The following ITCH variants were observed in gnomAD, a reference collection of about 807,000 sequenced individuals.
ITCH encodes the protein itchy E3 ubiquitin protein ligase, also known as E3 ubiquitin-protein ligase Itchy homolog.
In ITCH, 28 loss-of-function variants were observed where a neutral mutation model predicts 126.8. The ratio of observed to expected loss-of-function variants is 0.22; its 90% CI spans 0.16 to 0.30. The LOEUF (loss-of-function observed/expected upper bound fraction) is 0.30, where lower values mean the gene tolerates loss of function less well. Ranked by LOEUF, ITCH falls within the 10% of genes least tolerant of loss-of-function variation. The pLI, the probability that ITCH is intolerant of heterozygous loss-of-function variation, is 1.00. For synonymous variants in ITCH, 342 were observed against 340.0 expected, an observed-to-expected ratio of 1.01 and a Z score of -0.06; for missense variants, 631 against 1,032.4, an observed-to-expected ratio of 0.61 and a Z score of 5.33.
In ITCH at chr20:34,457,481, A is replaced by G; in HGVS notation, c.1295+7A>G. 1 of 1,563,758 alleles carries G rather than the reference A, an allele frequency of 6.4e-7. No individual in the cohort carries two copies. The highest frequency in any genetic ancestry group is 1.1e-5 in the South Asian group (1 of 89,654). The stretch of plus-strand genomic sequence containing the variant: ...AAGACCCCAGAAGTCAAGGGTAAGA[A>G]TAGTTACTTGTGTATATTTAATCTC... On this transcript the variant is annotated splice_region_variant and intron_variant, in intron 13 of 24. Coordinates refer to ENST00000374864, the MANE Select transcript of ITCH (RefSeq NM_031483.7).
At chr20:34,409,941 G>T (rs969677557) in intron 4 of ITCH, among the ~76,000 whole-genome samples, 1 of 151,934 alleles carries the variant, frequency 6.6e-6, no homozygotes, top group Non-Finnish European at 1.5e-5. Flanking sequence ...GAGCCAGGAG[G>T]ATTGTGTGAG....
intron 14 of ITCH, among the ~76,000 whole-genome samples, chr20:34,463,871 A>G: frequency 6.6e-6 from 1 of 150,584 alleles, no homozygotes; most frequent in Non-Finnish European, 1.5e-5. Context: ...CAAATACATG[A>G]TTTGCAATTA....
chr20:34,440,172 C>T lies in ITCH; in HGVS notation c.697C>T (p.Pro233Ser), dbSNP rs761441607. ...TTTTATAGCATCTGTCAATGGTTCACCATCTGCCACTTCTGAAAGTGATGG... is the reference window on the plus strand; with the variant it reads ...TTTTATAGCATCTGTCAATGGTTCATCATCTGCCACTTCTGAAAGTGATGG... Reference protein sequence around the residue: ...PRRPASVNGSPSATSESDGSS... With the variant: ...PRRPASVNGSSSATSESDGSS... Residue 233 changes from proline to serine, a missense_variant, in exon 9 of 25, where the codon CCA (proline) becomes TCA (serine). Pro to Ser is a moderately conservative substitution (Grantham distance 74). Transcript: ENST00000374864. 1 of 1,612,526 alleles carries T rather than the reference C, an allele frequency of 6.2e-7. No individual in the cohort carries two copies. The highest frequency in any genetic ancestry group is 8.5e-7 in the Non-Finnish European group (1 of 1,178,534).
chr20:34,475,974 C>G, intron 16 of ITCH: 1 of 1,600,642 alleles, frequency 6.2e-7, no homozygotes, highest in South Asian at 1.1e-5. Flanking sequence ...GCCACTGTTT[C>G]AGGCACTCGA....
At chr20:34,433,040 AG>A in intron 7 of ITCH, among the ~76,000 whole-genome samples, 1 of 152,200 alleles carries the variant, frequency 6.6e-6, no homozygotes, top group African/African-American at 2.4e-5. Flanking sequence ...CTGTAATCCC[AG>A]CACTTTAGGA....
chr20:34,441,208 G>C (rs1402072871), intron 9 of ITCH, among the ~76,000 whole-genome samples: 1 of 152,042 alleles, frequency 6.6e-6, no homozygotes, highest in Admixed American at 6.6e-5. Context: ...GGAGGCAGAG[G>C]TTGCATTGAG....
At chr20:34,371,279 C>CTTTTTTT (rs770951963) in intron 2 of ITCH, among the ~76,000 whole-genome samples, 24 of 118,446 alleles carry the variant, frequency 2.0e-4, no homozygotes, top group East Asian at 4.8e-4. Context: ...ATCACTTCTT[C>CTTTTTTT]TTTTTTTTTT....
At chr20:34,404,219 T>G (rs2038977331) in intron 3 of ITCH, among the ~76,000 whole-genome samples, 1 of 152,098 alleles carries the variant, frequency 6.6e-6, no homozygotes, top group Non-Finnish European at 1.5e-5. Flanking sequence ...GTTTTTTATT[T>G]TTTTGTTTAA....
At chr20:34,476,984 A>G (rs1345707489) in intron 16 of ITCH, among the ~76,000 whole-genome samples, 1 of 152,180 alleles carries the variant, frequency 6.6e-6, no homozygotes. Flanking sequence ...GTGGGACACA[A>G]AATTTGAGTA....
At chr20:34,389,714 G>A (rs2038416179) in intron 2 of ITCH, among the ~76,000 whole-genome samples, 1 of 152,170 alleles carries the variant, frequency 6.6e-6, no homozygotes, top group Admixed American at 6.6e-5. Flanking sequence ...AGGGTAATGT[G>A]CAGGTGGTCA....
intron 18 of ITCH, among the ~76,000 whole-genome samples, chr20:34,480,269 C>A (rs896666185): frequency 6.6e-6 from 1 of 151,948 alleles, no homozygotes; most frequent in African/African-American, 2.4e-5. Context: ...GTGATCTCGG[C>A]CCACCACAAC....
At chr20:34,402,544 G>C (rs1317657206) in intron 3 of ITCH, 5 of 732,828 alleles carry the variant, frequency 6.8e-6, no homozygotes, top group African/African-American at 1.7e-5. Context: ...TTGCTCTGCA[G>C]TATCAAAAAG....
rs373829127 is a variant in ITCH, at chr20:34,413,812, A to C, written c.408A>C (p.Ser136=). The change falls in exon 6 of 25, where the codon TCA becomes TCC. Residue 136 remains serine, a synonymous_variant. Coordinates refer to ENST00000374864, the MANE Select transcript of ITCH (RefSeq NM_031483.7). ...CAACAGAGACAATAGGAGACTTGTC[A>C]ATTTGTCTTGATGGGCTACAGTTAG... ...KEPTETIGDL[S]ICLDGLQLES... 9 of 1,613,532 alleles carry C rather than the reference A, an allele frequency of 5.6e-6. No individual in the cohort carries two copies.
Position 34,509,336 on chromosome 20 carries a change from A to C in ITCH, c.*1542A>C, listed in dbSNP as rs1250473369. ...AGGACAGCCTCATAGCTCATGTATC[A>C]GGGACTTTTGCCACATTTCAGAGGC... On this transcript the variant is annotated 3_prime_UTR_variant, in exon 25 of 25. Coordinates refer to ENST00000374864, the MANE Select transcript of ITCH (RefSeq NM_031483.7). The C allele has an allele frequency of 2.0e-5, 3 of 152,326 alleles. No individual in the cohort carries two copies. Among genetic ancestry groups the C allele is most frequent in the Non-Finnish European group, 4.4e-5 (3 of 68,040 alleles). 9.4% of individuals were successfully genotyped at this position (152,326 alleles called of 1,614,324 possible).
chr20:34,482,155 T>C (rs1210198019), intron 20 of ITCH, among the ~76,000 whole-genome samples: 4 of 152,226 alleles, frequency 2.6e-5, no homozygotes, highest in Non-Finnish European at 4.4e-5. Flanking sequence ...ATGGGAATTA[T>C]GGGAGCTACA....
chr20:34,369,864 G>A (rs1057339248), intron 2 of ITCH, among the ~76,000 whole-genome samples: 1 of 152,038 alleles, frequency 6.6e-6, no homozygotes, highest in East Asian at 1.9e-4. Context: ...AGCACTTTGT[G>A]GGGCGAAGGT....
In ITCH at chr20:34,393,820, C is replaced by T. The variant is rs2038571627; in HGVS notation, c.9C>T (p.Asp3=). 2 of 1,613,398 alleles carry T rather than the reference C, an allele frequency of 1.2e-6. No homozygotes were observed. The highest frequency in any genetic ancestry group is 1.1e-5 in the South Asian group (1 of 91,054). MS[D]SGSQLGSMGS... ...TCCAACCTATTGGTGGTATGTCTGA[C>T]AGTGGATCACAACTTGGTTCAATGG... Residue 3 remains aspartate (D), a synonymous_variant, in exon 3 of 25, where the codon GAC becomes GAT. Transcript: ENST00000374864.
intron 20 of ITCH, among the ~76,000 whole-genome samples, chr20:34,481,437 A>G (rs1988740962): frequency 6.6e-6 from 1 of 152,208 alleles, no homozygotes; most frequent in Admixed American, 6.5e-5. Flanking sequence ...CAACTCTGTA[A>G]TCACTATGCT....
At chr20:34,446,960 T>A (rs1372077062) in intron 11 of ITCH, among the ~76,000 whole-genome samples, 3 of 152,218 alleles carry the variant, frequency 2.0e-5, no homozygotes, top group African/African-American at 7.2e-5. Flanking sequence ...AAAGTTCCAA[T>A]ATATTTGGCA....
Sources: allele counts gnomAD v4.1 joint callset (sites outside exome capture counted in the v4.1 genomes callset), GRCh38; gene constraint gnomAD v4.1.1; transcripts MANE v1.5; gene names NCBI Gene and HGNC (gene_info 2026-07-23, HGNC 2026-07-21).